The following CALHM4 variants were observed in gnomAD, a reference collection of about 807,000 sequenced individuals.
CALHM4 encodes the protein calcium homeostasis modulator protein 4.
A neutral mutation model predicts 13.3 loss-of-function variants in CALHM4; 16 were observed. That is an observed-to-expected ratio of 1.20 (90% CI 0.81 to 1.82). CALHM4 has a LOEUF of 1.82. Ranked by LOEUF, CALHM4 falls within the 40% of genes most tolerant of loss-of-function variation. CALHM4 has a pLI of 0.00. For missense variants in CALHM4, 344 were observed against 374.9 expected, an observed-to-expected ratio of 0.92 and a Z score of 0.68; for synonymous variants, 127 against 137.1, an observed-to-expected ratio of 0.93 and a Z score of 0.52.
intron 1 of CALHM4, among the ~76,000 whole-genome samples, chr6:116,556,104 C>T (rs527451301): frequency 1.3e-4 from 20 of 152,152 alleles, no homozygotes; most frequent in Non-Finnish European, 2.5e-4. Context: ...TTTCCTTTAC[C>T]TTCTTAGAAC....
intron 2 of CALHM4, among the ~76,000 whole-genome samples, chr6:116,547,613 G>C (rs1773861095): frequency 6.6e-6 from 1 of 152,148 alleles, no homozygotes; most frequent in South Asian, 2.1e-4. Context: ...CAGCTCTTAG[G>C]ATGCAAGTGA....
At chr6:116,541,604 A>T (rs1054748897) in intron 1 of CALHM4, among the ~76,000 whole-genome samples, 1 of 152,216 alleles carries the variant, frequency 6.6e-6, no homozygotes, top group African/African-American at 2.4e-5. Flanking sequence ...AGAAATATTC[A>T]GTTTAGCTTC....
intron 1 of CALHM4, among the ~76,000 whole-genome samples, chr6:116,537,139 C>A (rs9374609): frequency 0.31 from 46,454 of 152,080 alleles, 8,759 homozygotes; most frequent in Middle Eastern, 0.5. Flanking sequence ...GGACAGTTGT[C>A]TTACACTAGA....
intron 1 of CALHM4, among the ~76,000 whole-genome samples, chr6:116,556,040 C>T (rs1774301559): frequency 6.6e-6 from 1 of 152,212 alleles, no homozygotes; most frequent in Admixed American, 6.5e-5. Flanking sequence ...TTACATGACT[C>T]CTATGAGCAT....
At chr6:116,532,825 G>A (rs1045469144) in intron 1 of CALHM4, among the ~76,000 whole-genome samples, 4 of 152,122 alleles carry the variant, frequency 2.6e-5, no homozygotes, top group African/African-American at 9.7e-5. Context: ...TCATAATAAA[G>A]GTAGGTTAAG....
At chr6:116,554,954 G>A (rs1049932189) in intron 1 of CALHM4, among the ~76,000 whole-genome samples, 5 of 152,154 alleles carry the variant, frequency 3.3e-5, no homozygotes, top group African/African-American at 1.2e-4. Context: ...AAGTGCTATT[G>A]TGCATTTTGT....
chr6:116,554,183 A>G lies in CALHM4; in HGVS notation c.390A>G (p.Glu130=). The change falls in exon 1 of 2, where the codon GAA becomes GAG. Residue 130 remains glutamate, a synonymous_variant. Coordinates refer to ENST00000368596, the MANE Select transcript of CALHM4 (RefSeq NM_001366078.2). ...CCCTGCTGACAGGCACGTATTATGA[A>G]TGTGCAGCAAGTGAATTTGCATCTG... The part of the protein sequence containing the change: ...AVTLLTGTYY[E]CAASEFASVD... 1 of 1,550,566 alleles carries G rather than the reference A, an allele frequency of 6.4e-7. No individual in the cohort carries two copies. Among genetic ancestry groups the G allele is most frequent in the Non-Finnish European group, 8.7e-7 (1 of 1,146,984 alleles).
At chr6:116,545,604 T>G in intron 2 of CALHM4, 2 of 1,200,068 alleles carry the variant, frequency 1.7e-6, no homozygotes, top group Admixed American at 2.3e-5. Flanking sequence ...TTTGTTTTGT[T>G]TTTGTAAGCT....
At chr6:116,557,536 T>C in intron 1 of CALHM4, among the ~76,000 whole-genome samples, 1 of 152,188 alleles carries the variant, frequency 6.6e-6, no homozygotes, top group East Asian at 1.9e-4. Flanking sequence ...AATTGGTGGG[T>C]TATAGCATCT....
At chr6:116,553,477 A>G (rs141041741), upstream of CALHM4, among the ~76,000 whole-genome samples, 2,759 of 152,294 alleles carry the variant, frequency 0.018, 77 homozygotes, top group African/African-American at 0.063. Flanking sequence ...TGTGTCATAC[A>G]AAGCAGCACA....
chr6:116,529,391 C>CA, intron 1 of CALHM4, among the ~76,000 whole-genome samples: 1 of 152,302 alleles, frequency 6.6e-6, no homozygotes, highest in East Asian at 1.9e-4. Context: ...TTGTAACTAA[C>CA]AGAGTCACAA....
At chr6:116,557,668 A>G (rs1774385707) in intron 1 of CALHM4, among the ~76,000 whole-genome samples, 157 bp from the exon 2 acceptor site, 1 of 152,216 alleles carries the variant, frequency 6.6e-6, no homozygotes, top group Non-Finnish European at 1.5e-5. Flanking sequence ...TCCAAATCAT[A>G]TCATTAGCAC....
intron 1 of CALHM4, among the ~76,000 whole-genome samples, chr6:116,539,430 G>A (rs1773294476): frequency 6.6e-6 from 1 of 152,012 alleles, no homozygotes; most frequent in African/African-American, 2.4e-5. Flanking sequence ...CTTTCATTTG[G>A]ATTGTATTTT....
chr6:116,543,504 C>T, intron 1 of CALHM4: 1 of 961,058 alleles, frequency 1.0e-6, no homozygotes, highest in Non-Finnish European at 1.5e-6. Context: ...TAGAAGTCAC[C>T]TGTACATTTT....
Position 116,554,281 on chromosome 6 carries a change from G to T in CALHM4, c.488G>T (p.Cys163Phe), listed in dbSNP as rs979745987. ...REEILAGFPC[C>F]RSAPSDVILV... ...GAGATCCTGGCTGGGTTTCCATGTT[G>T]CAGATCAGCTCCTTCTGACGTGATC... Residue 163 changes from cysteine (C) to phenylalanine (F), a missense_variant, in exon 1 of 2, where the codon TGC (cysteine) becomes TTC (phenylalanine). Coordinates refer to ENST00000368596, the MANE Select transcript of CALHM4 (RefSeq NM_001366078.2). 1.3e-6 allele frequency: 2 copies of T among 1,550,484 alleles called. No homozygotes were observed. The highest frequency in any genetic ancestry group is 1.7e-6 in the Non-Finnish European group (2 of 1,147,004).
intron 1 of CALHM4, among the ~76,000 whole-genome samples, chr6:116,539,734 T>G (rs1773320062): frequency 6.6e-6 from 1 of 152,156 alleles, no homozygotes; most frequent in African/African-American, 2.4e-5. Flanking sequence ...TTTGTAAACC[T>G]GGAGACACGC....
intron 1 of CALHM4, among the ~76,000 whole-genome samples, chr6:116,532,695 C>T (rs1321367321): frequency 1.3e-5 from 2 of 152,144 alleles, no homozygotes; most frequent in African/African-American, 4.8e-5. Flanking sequence ...GAACTATGTA[C>T]AAAATAAGCT....
At chr6:116,542,708 T>G (rs1773537445) in intron 1 of CALHM4, among the ~76,000 whole-genome samples, 1 of 152,198 alleles carries the variant, frequency 6.6e-6, no homozygotes, top group South Asian at 2.1e-4. Context: ...TGGGTCTCAT[T>G]TAAAAAGGAA....
In CALHM4 at chr6:116,558,675, CCTCT is replaced by C. The variant is rs1234503687; in HGVS notation, c.*465_*468del. ...TGTCTTCTATTCACCATTTTCCCTG[CCTCT>C]ATTTTCTGGTTTTATCAGTTTCTAC... On this transcript the variant is annotated 3_prime_UTR_variant, in exon 2 of 2. Transcript: ENST00000368596. 1 of 153,422 alleles carries C rather than the reference CCTCT, an allele frequency of 6.5e-6. No individual in the cohort carries two copies. The highest frequency in any genetic ancestry group is 1.5e-5 in the Non-Finnish European group (1 of 68,952). 9.5% of individuals were successfully genotyped at this position (153,422 alleles called of 1,614,324 possible). A position where few individuals can be genotyped will look rare whatever the true frequency, so the allele number is the denominator to read the frequency against.
Sources: allele counts gnomAD v4.1 joint callset (sites outside exome capture counted in the v4.1 genomes callset), GRCh38; gene constraint gnomAD v4.1.1; transcripts MANE v1.5; gene names NCBI Gene and HGNC (gene_info 2026-07-23, HGNC 2026-07-21).